The following RASAL2 variants were observed in gnomAD, a reference collection of about 807,000 sequenced individuals.
RASAL2 encodes RAS protein activator like 2.
In RASAL2, 58 loss-of-function variants were observed where a neutral mutation model predicts 128.9. That is an observed-to-expected ratio of 0.45 (90% confidence interval 0.36 to 0.56). RASAL2 has a LOEUF of 0.56. Among genes scored for constraint, RASAL2 ranks in the 20% least tolerant of loss-of-function variants. The pLI is 0.00. For missense variants in RASAL2, 1,360 were observed against 1,601.6 expected (o/e 0.85, Z 2.57); for synonymous variants, 561 against 580.8 (o/e 0.97, Z 0.49).
In RASAL2 at chr1:178,278,138, C is replaced by T. The variant is rs74131303; in HGVS notation, c.203-5426C>T. Among the ~76,000 whole-genome samples the T allele has an allele frequency of 5.7e-3, 864 of 152,286 alleles. 11 individuals are homozygous for T. Among genetic ancestry groups the T allele is most frequent in the African/African-American group, 0.019 (808 of 41,550 alleles). ...ACAGTTCAATGCAAAGGCTTTTATA[C>T]GAAACTGATGAGGGCTGGGCGTCTC... On this transcript the variant is annotated intron_variant, in intron 1 of 17. Transcript: ENST00000367649.
intron 5 of RASAL2, among the ~76,000 whole-genome samples, chr1:178,430,907 T>TACACACACAC (rs71297897): frequency 5.7e-4 from 76 of 134,058 alleles, no homozygotes; most frequent in African/African-American, 1.4e-3. Flanking sequence ...GGCAAAAAAG[T>TACACACACAC]ACACACACAC....
rs1225092872 is a variant in RASAL2 at position 178,407,374 on chromosome 1, T to C, written c.565-13137T>C. 2.0e-5 allele frequency among the ~76,000 whole-genome samples: 3 copies of C among 152,316 alleles called. No homozygotes were observed. In the East Asian group the frequency reaches 5.8e-4, roughly 29 times the overall value. On this transcript the variant is annotated intron_variant, in intron 4 of 17. Transcript: ENST00000367649. Reference sequence around the variant, plus strand: ...CGTTTTAGTCAACATTTAGTGAATATCTACAAGTTCCTAAGTTATATTGAG... The same window carrying C: ...CGTTTTAGTCAACATTTAGTGAATACCTACAAGTTCCTAAGTTATATTGAG...
chr1:178,224,644 C>G (rs546176892), intron 1 of RASAL2, among the ~76,000 whole-genome samples: 1 of 152,232 alleles, frequency 6.6e-6, no homozygotes, highest in Non-Finnish European at 1.5e-5. Flanking sequence ...GTCACTTGTT[C>G]TAGTAACAGA....
chr1:178,168,229 C>T (rs1661582388), intron 1 of RASAL2, among the ~76,000 whole-genome samples: 2 of 150,418 alleles, frequency 1.3e-5, no homozygotes, highest in Admixed American at 6.6e-5. Flanking sequence ...GAAGATAACA[C>T]ACAAATAACT....
intron 3 of RASAL2, among the ~76,000 whole-genome samples, chr1:178,364,021 G>A (rs986778217): frequency 4.6e-5 from 7 of 151,856 alleles, no homozygotes; most frequent in African/African-American, 1.7e-4. Context: ...GTGTGAACCT[G>A]GGAGGTGGAG....
chr1:178,149,430 AT>A (rs898808317), intron 1 of RASAL2, among the ~76,000 whole-genome samples: 1 of 151,828 alleles, frequency 6.6e-6, no homozygotes. Flanking sequence ...GATTTAATTC[AT>A]TTTTTTCTTA....
chr1:178,182,808 C>G (rs914116149), intron 1 of RASAL2, among the ~76,000 whole-genome samples: 1 of 145,828 alleles, frequency 6.9e-6, no homozygotes, highest in African/African-American at 2.5e-5. Flanking sequence ...CAGCAGTCCC[C>G]AACCTTTTTG....
intron 3 of RASAL2, among the ~76,000 whole-genome samples, chr1:178,368,384 CAGTA>C (rs1671518324): frequency 6.6e-6 from 1 of 152,116 alleles, no homozygotes; most frequent in Non-Finnish European, 1.5e-5. Flanking sequence ...AATGTCAGCC[CAGTA>C]AGTAGCACAT....
At chr1:178,438,634 T>C (rs1676408109) in intron 5 of RASAL2, among the ~76,000 whole-genome samples, 1 of 152,026 alleles carries the variant, frequency 6.6e-6, no homozygotes, top group South Asian at 2.1e-4. Flanking sequence ...ATTCTTCTTA[T>C]AAGCAACTAG....
intron 1 of RASAL2, among the ~76,000 whole-genome samples, chr1:178,233,059 G>T (rs1017988921): frequency 3.3e-5 from 5 of 152,228 alleles, no homozygotes; most frequent in African/African-American, 4.8e-5. Context: ...CTTTGCTTCA[G>T]GCAAGAGGTT....
chr1:178,439,625 T>C, intron 6 of RASAL2, 50 bp downstream of exon 6: 1 of 1,568,062 alleles, frequency 6.4e-7, no homozygotes, highest in Non-Finnish European at 8.7e-7. Flanking sequence ...AACAATTGGA[T>C]TTTATGTCCA....
chr1:178,094,208 G>T lies in RASAL2; in HGVS notation c.-285G>T, dbSNP rs552622180. On this transcript the variant is annotated 5_prime_UTR_variant, in exon 1 of 18. Coordinates refer to ENST00000367649, the MANE Select transcript of RASAL2 (RefSeq NM_170692.4). The stretch of plus-strand genomic sequence containing the variant: ...CCCGGGTTCTTCTGCGTCCTCTCCC[G>T]GGAGGGACCCACACACACCTGAGCC... 4 of 450,026 alleles carry T rather than the reference G, an allele frequency of 8.9e-6. No homozygotes were observed. The Admixed American group carries it at 1.8e-4, about 20-fold the overall frequency. 27.9% of individuals were successfully genotyped at this position (450,026 alleles called of 1,614,324 possible). A position where few individuals can be genotyped will look rare whatever the true frequency, so the allele number is the denominator to read the frequency against.
At chr1:178,366,395 A>C (rs1004112351) in intron 3 of RASAL2, among the ~76,000 whole-genome samples, 6 of 152,170 alleles carry the variant, frequency 3.9e-5, no homozygotes, top group Non-Finnish European at 8.8e-5. Context: ...TTCATTCTTG[A>C]GTATCTAGCA....
intron 1 of RASAL2, among the ~76,000 whole-genome samples, chr1:178,107,279 G>A (rs1659126641): frequency 6.6e-6 from 1 of 152,010 alleles, no homozygotes; most frequent in African/African-American, 2.4e-5. Context: ...GTGTTAAAAT[G>A]TATTACAAGC....
chr1:178,382,709 G>A (rs1672348133), intron 3 of RASAL2, among the ~76,000 whole-genome samples: 1 of 152,056 alleles, frequency 6.6e-6, no homozygotes, highest in African/African-American at 2.4e-5. Context: ...ATAATACAAG[G>A]TTGGCGCAAA....
At chr1:178,227,537 C>T (rs540968494) in intron 1 of RASAL2, among the ~76,000 whole-genome samples, 24 of 152,278 alleles carry the variant, frequency 1.6e-4, no homozygotes, top group African/African-American at 5.1e-4. Context: ...TAAGCCTTTC[C>T]TGATAATGGG....
At chr1:178,397,349 T>C (rs1182818580) in intron 4 of RASAL2, among the ~76,000 whole-genome samples, 1 of 152,178 alleles carries the variant, frequency 6.6e-6, no homozygotes, top group East Asian at 1.9e-4. Flanking sequence ...TTGAAAATAT[T>C]ATGCTAAGTG....
At chr1:178,438,877 G>A (rs1016273900) in intron 5 of RASAL2, among the ~76,000 whole-genome samples, 2 of 129,768 alleles carry the variant, frequency 1.5e-5, no homozygotes, top group African/African-American at 6.2e-5. Context: ...GTTGAGCTTC[G>A]ACTCTGTGTG....
chr1:178,284,614 A>G (rs564351733), intron 2 of RASAL2, among the ~76,000 whole-genome samples: 30 of 152,374 alleles, frequency 2.0e-4, no homozygotes, highest in Admixed American at 3.3e-4. Flanking sequence ...GTTACAGTTT[A>G]CAAATCCTTC....
Sources: gnomAD v4.1 joint callset for allele counts (sites outside exome capture counted in the v4.1 genomes callset) on GRCh38, gnomAD v4.1.1 for gene constraint, MANE v1.5 for transcripts, NCBI Gene and HGNC (gene_info 2026-07-23, HGNC 2026-07-21) for gene names.